Variants in KGD4 observed in about 807,000 individuals in gnomAD.
The protein encoded by KGD4 is alpha-ketoglutarate dehydrogenase component 4.
the KGD4 span, chr5:69,217,856 T>C: frequency 1.2e-6 from 2 of 1,613,850 alleles, no homozygotes; most frequent in Non-Finnish European, 1.7e-6. Flanking sequence ...TGGCGTCTGC[T>C]AGTAGGGTCG....
the KGD4 span, chr5:69,226,426 CT>C: frequency 6.8e-7 from 1 of 1,472,496 alleles, no homozygotes; most frequent in Non-Finnish European, 9.4e-7. Context: ...ATTTAAATTT[CT>C]TTTAAAATTG....
At chr5:69,223,012 A>G in the KGD4 span, among the ~76,000 whole-genome samples, 2 of 142,888 alleles carry the variant, frequency 1.4e-5, no homozygotes, top group African/African-American at 5.3e-5. Flanking sequence ...TCGTGACCTC[A>G]TGATCCACCC....
At chr5:69,226,283 G>A in the KGD4 span, 4 of 1,243,162 alleles carry the variant, frequency 3.2e-6, no homozygotes, top group Non-Finnish European at 3.5e-6. Flanking sequence ...AGGTTTAGTA[G>A]ATCATTTCTT....
the KGD4 span, chr5:69,226,259 C>A: frequency 2.1e-6 from 2 of 960,326 alleles, no homozygotes; most frequent in Non-Finnish European, 3.2e-6. Flanking sequence ...TTTTAACAAA[C>A]GTATCTACTT....
the KGD4 span, among the ~76,000 whole-genome samples, chr5:69,220,904 G>A: frequency 6.6e-6 from 1 of 152,144 alleles, no homozygotes; most frequent in Non-Finnish European, 1.5e-5. Context: ...CGTGCTCTCT[G>A]AAACGTGCTG....
At chr5:69,219,455 C>G in the KGD4 span, among the ~76,000 whole-genome samples, 1 of 152,150 alleles carries the variant, frequency 6.6e-6, no homozygotes, top group African/African-American at 2.4e-5. Flanking sequence ...GTCCCTGGCT[C>G]TATTTCTGAT....
At chr5:69,218,781 G>T in the KGD4 span, among the ~76,000 whole-genome samples, 19 of 152,052 alleles carry the variant, frequency 1.2e-4, no homozygotes, top group African/African-American at 4.6e-4. Flanking sequence ...TCTCTTAAAA[G>T]ACCTTTTTCT....
At chr5:69,225,351 C>CCTCCTGCGTTCAAGCGATT in the KGD4 span, among the ~76,000 whole-genome samples, 1 of 150,068 alleles carries the variant, frequency 6.7e-6, no homozygotes, top group Admixed American at 6.7e-5. Flanking sequence ...GCAACCTCTG[C>CCTCCTGCGTTCAAGCGATT]CTCCTGCGTT....
the KGD4 span, chr5:69,228,504 C>T: frequency 9.6e-7 from 1 of 1,036,990 alleles, no homozygotes; most frequent in Non-Finnish European, 1.4e-6. Context: ...GTGGTCAGAG[C>T]TAAGACAGGA....
At chr5:69,222,470 C>G in the KGD4 span, among the ~76,000 whole-genome samples, 10 of 152,188 alleles carry the variant, frequency 6.6e-5, no homozygotes, top group Non-Finnish European at 1.5e-4. Context: ...GGGAGAAAGG[C>G]TGGCAAAGTA....
the KGD4 span, among the ~76,000 whole-genome samples, chr5:69,228,643 A>C: frequency 6.6e-5 from 10 of 152,308 alleles, no homozygotes; most frequent in East Asian, 1.7e-3. Flanking sequence ...ATAATTTTTC[A>C]GAGTGTAAAG....
the KGD4 span, among the ~76,000 whole-genome samples, chr5:69,225,857 G>A: frequency 6.6e-6 from 1 of 152,134 alleles, no homozygotes; most frequent in East Asian, 1.9e-4. Context: ...GGGATTATAG[G>A]CGTGAGCCAT....
the KGD4 span, among the ~76,000 whole-genome samples, chr5:69,224,561 C>T: frequency 1.3e-5 from 2 of 151,798 alleles, no homozygotes; most frequent in Non-Finnish European, 2.9e-5. Flanking sequence ...TTTTTTCTTC[C>T]CTGTTAGGTA....
the KGD4 span, among the ~76,000 whole-genome samples, chr5:69,227,081 A>AGGCT: frequency 2.0e-5 from 3 of 152,038 alleles, no homozygotes; most frequent in Non-Finnish European, 2.9e-5. Flanking sequence ...CATGTTGCCT[A>AGGCT]GGCTGGTCTC....
At chr5:69,228,187 T>TC in the KGD4 span, 4 of 1,538,666 alleles carry the variant, frequency 2.6e-6, no homozygotes, top group Admixed American at 7.0e-5. Context: ...GTCTTTTTTT[T>TC]TTTTAATTTC....
the KGD4 span, among the ~76,000 whole-genome samples, chr5:69,219,208 C>T: frequency 1.3e-5 from 2 of 152,140 alleles, no homozygotes; most frequent in Non-Finnish European, 1.5e-5. Flanking sequence ...ATGTTATAGC[C>T]ACTTTGGAAA....
At chr5:69,229,374 T>C in the KGD4 span, 1 of 607,546 alleles carries the variant, frequency 1.6e-6, no homozygotes, top group Non-Finnish European at 2.8e-6. Context: ...GACACTTGTA[T>C]TTCCTAATTT....
chr5:69,221,995 C>T, the KGD4 span, among the ~76,000 whole-genome samples: 2 of 24,902 alleles, frequency 8.0e-5, 1 homozygote, highest in Non-Finnish European at 1.4e-4. Context: ...GGCAAAACCC[C>T]ATATCTATTA....
chr5:69,220,846 ATTC>A, the KGD4 span, among the ~76,000 whole-genome samples: 2 of 152,204 alleles, frequency 1.3e-5, no homozygotes, highest in Admixed American at 6.5e-5. Flanking sequence ...ACTAAGAAAA[ATTC>A]TTCTGCCTTG....
Sources: allele counts gnomAD v4.1 joint callset (sites outside exome capture counted in the v4.1 genomes callset), GRCh38; gene constraint gnomAD v4.1.1; transcripts MANE v1.5; gene names NCBI Gene and HGNC (gene_info 2026-07-23, HGNC 2026-07-21).